SULF1: variants seen among roughly 807,000 people sequenced by gnomAD.
SULF1 encodes sulfatase 1.
In SULF1, 46 loss-of-function variants were observed where a neutral mutation model predicts 110.5. The ratio of observed to expected loss-of-function variants is 0.42; its 90% confidence interval spans 0.33 to 0.53. The LOEUF (loss-of-function observed/expected upper bound fraction) is 0.53. SULF1 is among the 20% of genes least tolerant of loss of function. The probability of loss-of-function intolerance (pLI) is 0.12; values close to 1 mark genes in which losing one functional copy is unlikely to be tolerated. For missense variants in SULF1, 941 were observed against 1,094.2 expected, an observed-to-expected ratio of 0.86 and a Z score of 1.98; for synonymous variants, 371 against 387.1, an observed-to-expected ratio of 0.96 and a Z score of 0.49.
chr8:69,624,285 A>AG (rs1809831879), intron 15 of SULF1, 88 bp downstream of exon 15: 6 of 1,499,924 alleles, frequency 4.0e-6, no homozygotes, highest in Non-Finnish European at 5.3e-6. Flanking sequence ...CTTGGCAAAA[A>AG]AGCAGTATCA....
intron 13 of SULF1, among the ~76,000 whole-genome samples, chr8:69,613,302 G>GT (rs368550157): frequency 0.26 from 28,619 of 111,002 alleles, 3,443 homozygotes; most frequent in Middle Eastern, 0.31. Flanking sequence ...TACAGATTTG[G>GT]TTTTTTTTTT....
intron 2 of SULF1, among the ~76,000 whole-genome samples, chr8:69,496,796 G>A (rs1395338441): frequency 6.6e-6 from 1 of 152,218 alleles, no homozygotes; most frequent in East Asian, 1.9e-4. Flanking sequence ...CTGAGCCACT[G>A]TGCTTTGCCT....
At chr8:69,623,286 A>G (rs1809758311) in intron 14 of SULF1, among the ~76,000 whole-genome samples, 1 of 152,202 alleles carries the variant, frequency 6.6e-6, no homozygotes. Context: ...TCTTTGAAAA[A>G]GCAGCCCAAT....
chr8:69,529,304 T>C (rs1812925104), intron 3 of SULF1, among the ~76,000 whole-genome samples: 1 of 152,214 alleles, frequency 6.6e-6, no homozygotes, highest in African/African-American at 2.4e-5. Flanking sequence ...CTATCACTGA[T>C]GTAGCTCCTA....
In SULF1 at chr8:69,536,245, C is replaced by T. The variant is rs116115379; in HGVS notation, c.-133-27294C>T. On this transcript the variant is annotated intron_variant, in intron 3 of 22. Coordinates refer to ENST00000402687, the MANE Select transcript of SULF1 (RefSeq NM_001128205.2). The stretch of plus-strand genomic sequence containing the variant: ...TTGGTGTCAGTGAAGGCTTGTGTAC[C>T]TGCTTACATGTGTAAATTCACCTGG... 1.0e-3 allele frequency among the ~76,000 whole-genome samples: 153 copies of T among 152,254 alleles called. 1 individual carries two copies. Among genetic ancestry groups the T allele is most frequent in the African/African-American group, 3.5e-3 (147 of 41,530 alleles).
chr8:69,510,081 G>A (rs898797383), intron 3 of SULF1, among the ~76,000 whole-genome samples: 1 of 152,102 alleles, frequency 6.6e-6, no homozygotes, highest in Non-Finnish European at 1.5e-5. Context: ...GTAATACCAT[G>A]TATGCACCTA....
At chr8:69,554,288 A>G (rs1255119392) in intron 3 of SULF1, among the ~76,000 whole-genome samples, 4 of 152,240 alleles carry the variant, frequency 2.6e-5, no homozygotes, top group Admixed American at 2.6e-4. Context: ...ATCTATTTAT[A>G]GAGATACTCC....
chr8:69,493,897 G>T (rs28452301), intron 1 of SULF1, among the ~76,000 whole-genome samples: 22,043 of 152,136 alleles, frequency 0.14, 1,969 homozygotes, highest in Non-Finnish European at 0.21. Context: ...TTGAGAAACT[G>T]CTTTTCAACA....
At chr8:69,480,590 C>G (rs953418162) in intron 1 of SULF1, among the ~76,000 whole-genome samples, 1 of 152,048 alleles carries the variant, frequency 6.6e-6, no homozygotes, top group Non-Finnish European at 1.5e-5. Flanking sequence ...ATTGTATATA[C>G]AATTATGCAT....
chr8:69,619,671 C>T (rs1360770847), intron 13 of SULF1, among the ~76,000 whole-genome samples: 2 of 152,216 alleles, frequency 1.3e-5, no homozygotes, highest in Non-Finnish European at 1.5e-5. Flanking sequence ...CACTCTCTGC[C>T]GAGTATGCAG....
intron 8 of SULF1, among the ~76,000 whole-genome samples, chr8:69,598,107 G>A (rs1179126604): frequency 1.0e-5 from 1 of 99,444 alleles, no homozygotes; most frequent in Non-Finnish European, 1.9e-5. Context: ...AACTCTTTCA[G>A]GCCAAAAAAA....
At chr8:69,638,433 G>A in intron 19 of SULF1, 69 bp from the exon 20 acceptor site, 2 of 1,545,024 alleles carry the variant, frequency 1.3e-6, no homozygotes, top group Non-Finnish European at 1.7e-6. Context: ...AGGGAACACT[G>A]GAATGGCAAG....
At chr8:69,624,314 G>A (rs1809833772) in intron 15 of SULF1, 117 bp downstream of exon 15, 7 of 1,378,680 alleles carry the variant, frequency 5.1e-6, no homozygotes, top group Admixed American at 5.0e-5. Context: ...TACAGTGCCT[G>A]AGGGCTGGCC....
chr8:69,534,929 A>G (rs1409728129), intron 3 of SULF1, among the ~76,000 whole-genome samples: 1 of 152,154 alleles, frequency 6.6e-6, no homozygotes, highest in Non-Finnish European at 1.5e-5. Context: ...ATAAGACTTT[A>G]TAAGGATTGT....
intron 3 of SULF1, among the ~76,000 whole-genome samples, chr8:69,541,509 T>A (rs1197946236): frequency 2.0e-5 from 3 of 152,220 alleles, no homozygotes; most frequent in African/African-American, 2.4e-5. Flanking sequence ...TGAGGGACTG[T>A]AACAAATGCA....
At chr8:69,594,242 GT>G (rs1218382585) in intron 8 of SULF1, among the ~76,000 whole-genome samples, 11 of 152,100 alleles carry the variant, frequency 7.2e-5, no homozygotes, top group African/African-American at 2.7e-4. Context: ...GTGGAAACGG[GT>G]TTTCTCCATG....
intron 3 of SULF1, among the ~76,000 whole-genome samples, chr8:69,539,692 G>A (rs771252858): frequency 6.6e-6 from 1 of 152,188 alleles, no homozygotes; most frequent in Admixed American, 6.5e-5. Context: ...TCTCGGGGAG[G>A]GACAGGGAAT....
At chr8:69,526,573 G>A (rs1277371032) in intron 3 of SULF1, among the ~76,000 whole-genome samples, 5 of 142,758 alleles carry the variant, frequency 3.5e-5, no homozygotes, top group Non-Finnish European at 6.0e-5. Context: ...ACCAGCCTAG[G>A]CAACATAGTG....
intron 3 of SULF1, among the ~76,000 whole-genome samples, chr8:69,527,548 G>A (rs964672300): frequency 6.6e-6 from 1 of 152,086 alleles, no homozygotes; most frequent in African/African-American, 2.4e-5. Context: ...GCAGCTTAGG[G>A]ACTAAGCAAG....
Sources: allele counts gnomAD v4.1 joint callset (sites outside exome capture counted in the v4.1 genomes callset), GRCh38; gene constraint gnomAD v4.1.1; transcripts MANE v1.5; gene names NCBI Gene and HGNC (gene_info 2026-07-23, HGNC 2026-07-21).